The following SOX6 variants were observed in gnomAD, a reference collection of about 807,000 sequenced individuals.
SOX6 encodes the protein SRY-box transcription factor 6, also known as transcription factor SOX-6.
Under a neutral mutation model 97.8 loss-of-function variants are expected in SOX6, and 11 were observed. The observed-to-expected ratio is 0.11, with a 90% CI of 0.07 to 0.19. SOX6 has a LOEUF of 0.19. Among genes scored for constraint, SOX6 ranks in the 10% least tolerant of loss-of-function variants. SOX6 has a pLI of 1.00. For missense variants in SOX6, 810 were observed against 1,039.5 expected (o/e 0.78, Z 3.04); for synonymous variants, 360 against 371.4 (o/e 0.97, Z 0.35).
intron 3 of SOX6, among the ~76,000 whole-genome samples, chr11:16,681,525 T>C (rs981659799): frequency 6.6e-6 from 1 of 151,926 alleles, no homozygotes; most frequent in Admixed American, 6.6e-5. Flanking sequence ...CTAAAATTGA[T>C]ACCCTAACAT....
chr11:16,018,314 G>A (rs1854947706), intron 12 of SOX6, among the ~76,000 whole-genome samples: 1 of 151,978 alleles, frequency 6.6e-6, no homozygotes, highest in Non-Finnish European at 1.5e-5. Flanking sequence ...AACTCTTCGG[G>A]CATTATTTTT....
At chr11:16,489,231 A>G (rs1285863946) in intron 4 of SOX6, among the ~76,000 whole-genome samples, 1 of 152,206 alleles carries the variant, frequency 6.6e-6, no homozygotes, top group African/African-American at 2.4e-5. Context: ...AAAAAAAAGT[A>G]TGCAGTTCTA....
chr11:16,650,707 C>A (rs1847635378), intron 3 of SOX6, among the ~76,000 whole-genome samples: 1 of 151,876 alleles, frequency 6.6e-6, no homozygotes, highest in Non-Finnish European at 1.5e-5. Context: ...TAAGGCCACA[C>A]CTCAAGGAAC....
intron 12 of SOX6, among the ~76,000 whole-genome samples, chr11:16,016,424 G>A (rs1303735809): frequency 6.6e-6 from 1 of 151,946 alleles, no homozygotes; most frequent in Non-Finnish European, 1.5e-5. Flanking sequence ...CCCTAACTGG[G>A]TAATACTCAC....
intron 9 of SOX6, among the ~76,000 whole-genome samples, chr11:16,060,334 G>A (rs1195352497): frequency 6.6e-6 from 1 of 151,854 alleles, no homozygotes. Flanking sequence ...TAAACTCTGA[G>A]ATTCCATAGA....
intron 12 of SOX6, among the ~76,000 whole-genome samples, chr11:16,026,832 T>TA (rs372775216): frequency 0.028 from 4,170 of 151,510 alleles, 190 homozygotes; most frequent in African/African-American, 0.095. Flanking sequence ...TCATACAAAC[T>TA]AAAAAAAAAT....
At chr11:16,467,515 G>C (rs533550256) in intron 1 of SOX6, among the ~76,000 whole-genome samples, 2 of 152,082 alleles carry the variant, frequency 1.3e-5, no homozygotes, top group African/African-American at 4.8e-5. Flanking sequence ...GGCCATTATC[G>C]TTGGCAAACT....
intron 3 of SOX6, among the ~76,000 whole-genome samples, chr11:16,644,334 G>A (rs1327702558): frequency 6.6e-6 from 1 of 151,970 alleles, no homozygotes; most frequent in Non-Finnish European, 1.5e-5. Context: ...CACCATACCT[G>A]GCCCATTTCC....
chr11:16,651,313 C>G (rs1303774518), intron 3 of SOX6, among the ~76,000 whole-genome samples: 1 of 151,710 alleles, frequency 6.6e-6, no homozygotes, highest in African/African-American at 2.4e-5. Flanking sequence ...CAGGAAAAAA[C>G]AAAACAAAAA....
chr11:16,591,890 A>G (rs1354275536), intron 4 of SOX6, among the ~76,000 whole-genome samples: 1 of 152,158 alleles, frequency 6.6e-6, no homozygotes, highest in African/African-American at 2.4e-5. Flanking sequence ...CTGTGGCAGC[A>G]TTAAAGCCAT....
In SOX6 at chr11:16,186,903, G is replaced by A; in HGVS notation, c.588C>T (p.Thr196=). The change falls in exon 5 of 16, where the codon ACC becomes ACT. Residue 196 remains threonine (T), a synonymous_variant. Coordinates refer to ENST00000683767, the MANE Select transcript of SOX6 (RefSeq NM_001367873.1). ...GCTGCTCCCGTAAACTGATCAGCTG[G>A]GTAATCATGGTGGAGAGCTGCCGTT... ...EKERQLSTMI[T]QLISLREQLL... is the part of the protein sequence containing the mutation. The A allele has an allele frequency of 6.2e-7, 1 of 1,613,800 alleles. No individual in the cohort carries two copies. Among genetic ancestry groups the A allele is most frequent in the Non-Finnish European group, 8.5e-7 (1 of 1,179,838 alleles).
chr11:16,639,904 C>T (rs1392400356), intron 3 of SOX6, among the ~76,000 whole-genome samples: 1 of 151,942 alleles, frequency 6.6e-6, no homozygotes, highest in East Asian at 1.9e-4. Context: ...CCTTTATTTC[C>T]TTCTCCTGCC....
intron 4 of SOX6, among the ~76,000 whole-genome samples, chr11:16,500,674 C>A (rs558490830): frequency 2.6e-5 from 4 of 152,110 alleles, no homozygotes; most frequent in Admixed American, 2.6e-4. Flanking sequence ...AACAAACAAA[C>A]AGAGAGCCAA....
At chr11:16,460,040 G>A (rs1859889929) in intron 1 of SOX6, among the ~76,000 whole-genome samples, 1 of 151,674 alleles carries the variant, frequency 6.6e-6, no homozygotes, top group Non-Finnish European at 1.5e-5. Context: ...CTTAAAAACA[G>A]TGATAAGGGG....
intron 3 of SOX6, among the ~76,000 whole-genome samples, chr11:16,301,662 C>T (rs1855261430): frequency 6.6e-6 from 1 of 152,092 alleles, no homozygotes; most frequent in Non-Finnish European, 1.5e-5. Flanking sequence ...GGTATAGTCA[C>T]TTCCCTTATT....
intron 3 of SOX6, among the ~76,000 whole-genome samples, chr11:16,270,933 G>C (rs1454129089): frequency 6.6e-6 from 1 of 151,174 alleles, no homozygotes; most frequent in Non-Finnish European, 1.5e-5. Context: ...AAAGAGTTTT[G>C]GGAATAGTGG....
intron 1 of SOX6, among the ~76,000 whole-genome samples, chr11:16,381,934 G>C (rs965377441): frequency 9.9e-5 from 15 of 151,838 alleles, no homozygotes; most frequent in African/African-American, 3.6e-4. Flanking sequence ...TGTTAAGGTA[G>C]TGGGGAAAAA....
At chr11:16,249,655 G>C (rs1041162030) in intron 3 of SOX6, among the ~76,000 whole-genome samples, 13 of 152,224 alleles carry the variant, frequency 8.5e-5, no homozygotes, top group African/African-American at 2.4e-4. Context: ...ACATGTACCA[G>C]TAATAAATTT....
At chr11:16,331,539 T>C (rs1565096059) in intron 2 of SOX6, among the ~76,000 whole-genome samples, 1 of 152,214 alleles carries the variant, frequency 6.6e-6, no homozygotes. Context: ...TCTTCTAATA[T>C]GTTAAATTCA....
Sources: gnomAD v4.1 joint callset for allele counts (sites outside exome capture counted in the v4.1 genomes callset) on GRCh38, gnomAD v4.1.1 for gene constraint, MANE v1.5 for transcripts, NCBI Gene and HGNC (gene_info 2026-07-23, HGNC 2026-07-21) for gene names.